The following REL variants were observed in gnomAD, a reference collection of about 807,000 sequenced individuals.
The protein encoded by REL is proto-oncogene c-Rel.
In REL, 15 loss-of-function variants were observed where a neutral mutation model predicts 45.9. That is an observed-to-expected ratio of 0.33 (90% confidence interval 0.22 to 0.50). The LOEUF is 0.50. REL is among the 20% of genes least tolerant of loss of function. The pLI is 0.98. For missense variants in REL, 601 were observed against 715.2 expected (o/e 0.84, Z 1.82); for synonymous variants, 239 against 242.1 (o/e 0.99, Z 0.12).
chr2:60,910,864 A>C (rs558784985), intron 4 of REL, among the ~76,000 whole-genome samples: 8 of 152,126 alleles, frequency 5.3e-5, no homozygotes, highest in African/African-American at 1.9e-4. Context: ...CCCTGGAGGC[A>C]GAGGCTGCAG....
intron 1 of REL, among the ~76,000 whole-genome samples, chr2:60,882,384 C>G (rs1672963133): frequency 2.0e-5 from 3 of 152,070 alleles, no homozygotes; most frequent in Non-Finnish European, 4.4e-5. Context: ...GTTGCTTCGA[C>G]CAAGTGTAGG....
intron 1 of REL, among the ~76,000 whole-genome samples, chr2:60,886,095 G>A (rs1221578186): frequency 6.6e-6 from 1 of 152,136 alleles, no homozygotes; most frequent in East Asian, 1.9e-4. Context: ...GTGCATTGTT[G>A]CTTCCACTTC....
chr2:60,904,157 C>CT (rs1433713124), intron 4 of REL, among the ~76,000 whole-genome samples: 2 of 150,690 alleles, frequency 1.3e-5, no homozygotes, highest in African/African-American at 4.9e-5. Flanking sequence ...AATCCCAGCA[C>CT]TTTGGGAGGC....
intron 4 of REL, among the ~76,000 whole-genome samples, chr2:60,915,794 A>C (rs1013134469): frequency 2.0e-5 from 3 of 152,238 alleles, no homozygotes; most frequent in Admixed American, 2.0e-4. Flanking sequence ...TACTAATTTA[A>C]CAAACTATTA....
intron 8 of REL, 183 bp from the exon 9 acceptor site, chr2:60,920,391 G>A (rs1427594880): frequency 1.2e-5 from 8 of 651,004 alleles, no homozygotes; most frequent in Non-Finnish European, 2.2e-5. Context: ...AGTAGAAACA[G>A]GGTTTCGCCA....
At chr2:60,892,035 C>T (rs577773142) in intron 2 of REL, among the ~76,000 whole-genome samples, 4 of 151,902 alleles carry the variant, frequency 2.6e-5, no homozygotes, top group Admixed American at 6.6e-5. Flanking sequence ...GAGTCTTCCC[C>T]ACTGCAGATA....
At chr2:60,894,014 C>T (rs138716058) in intron 2 of REL, among the ~76,000 whole-genome samples, 5 of 152,174 alleles carry the variant, frequency 3.3e-5, no homozygotes, top group Non-Finnish European at 5.9e-5. Flanking sequence ...CTTTCCAATA[C>T]GGCTTAAATA....
intron 1 of REL, 68 bp downstream of exon 1, chr2:60,881,918 G>T: frequency 8.6e-7 from 1 of 1,161,084 alleles, no homozygotes; most frequent in Non-Finnish European, 1.2e-6. Flanking sequence ...TCCTGCCGCA[G>T]TGAGTTTAGG....
chr2:60,913,592 A>T, intron 4 of REL, among the ~76,000 whole-genome samples: 1 of 151,644 alleles, frequency 6.6e-6, no homozygotes, highest in East Asian at 1.9e-4. Flanking sequence ...TCCTTGGCAA[A>T]CTCTCAACTC....
intron 1 of REL, among the ~76,000 whole-genome samples, chr2:60,883,410 C>T (rs142242545): frequency 1.3e-5 from 2 of 152,214 alleles, no homozygotes; most frequent in African/African-American, 4.8e-5. Flanking sequence ...TTCAACTTTC[C>T]CTTTTCCCAC....
chr2:60,926,052 T>A lies in REL; in HGVS notation c.*3517T>A, dbSNP rs1455878556. The A allele has an allele frequency of 8.7e-6, 2 of 229,792 alleles. No homozygotes were observed. The highest frequency in any genetic ancestry group is 6.2e-5 in the East Asian group (1 of 16,242). 14.2% of individuals were successfully genotyped at this position (229,792 alleles called of 1,614,324 possible). A position where few individuals can be genotyped will look rare whatever the true frequency, so the allele number is the denominator to read the frequency against. The stretch of plus-strand genomic sequence containing the variant: ...GTAACGTTTCTCCTCTGTCTCTACA[T>A]ATATTCATGCTTTCACCTGCTCTTT... On this transcript the variant is annotated 3_prime_UTR_variant, in exon 10 of 10. Coordinates refer to ENST00000394479, the MANE Select transcript of REL (RefSeq NM_001291746.2).
At position 60,892,664 on chromosome 2, in the gene REL, A is replaced by T. The variant is rs535271425; in HGVS notation, c.153+839A>T. Among the ~76,000 whole-genome samples the T allele has an allele frequency of 4.6e-5, 7 of 151,658 alleles. No individual in the cohort carries two copies. In the East Asian group the frequency reaches 1.4e-3, roughly 30 times the overall value. On this transcript the variant is annotated intron_variant, in intron 2 of 9. Coordinates refer to ENST00000394479, the MANE Select transcript of REL (RefSeq NM_001291746.2). ...AGGCTGGTCTCCAACTCTTGACATC[A>T]GGTGATCCACCCATCTCGGCCTCCC...
Position 60,922,332 on chromosome 2 carries a change from A to C in REL, c.1561A>C (p.Thr521Pro), listed in dbSNP as rs1674165533. Reference protein sequence around the residue: ...SMSAGANSNTTVFVSQSDAFE... With the variant: ...SMSAGANSNTPVFVSQSDAFE... The stretch of plus-strand genomic sequence containing the variant: ...GTCAGCAGGCGCCAATTCCAATACT[A>C]CTGTTTTTGTTTCACAATCAGATGC... The change falls in exon 10 of 10, where the codon ACT becomes CCT. Residue 521 changes from threonine to proline, a missense_variant. By Grantham distance (38) the Thr-to-Pro change is conservative. Transcript: ENST00000394479. 1 of 1,614,048 alleles carries C rather than the reference A, an allele frequency of 6.2e-7. No homozygotes were observed. Among genetic ancestry groups the C allele is most frequent in the African/African-American group, 1.3e-5 (1 of 75,004 alleles).
chr2:60,886,519 TATC>T (rs551164905), intron 1 of REL, among the ~76,000 whole-genome samples: 179 of 152,284 alleles, frequency 1.2e-3, no homozygotes, highest in African/African-American at 4.1e-3. Flanking sequence ...ACTTTAGTTT[TATC>T]ATGTGTAAGA....
rs1382974940 is a variant in REL, at chr2:60,922,279, A to C, written c.1508A>C (p.Gln503Pro). ...GTGTTAGACCCAAGAGACTTGAGAC[A>C]GCTCCATCAGATGTCCTCTTCCAGT... is the stretch of plus-strand genomic sequence containing the variant. ...NSVLDPRDLR[Q>P]LHQMSSSSMS... The change falls in exon 10 of 10, where the codon CAG (glutamine) becomes CCG (proline). Residue 503 changes from glutamine (Q) to proline (P), a missense_variant. Gln to Pro is a moderately conservative substitution (Grantham distance 76). This residue lies in a region of REL where 334 missense variants were observed against 333.1 expected (regional missense o/e 1.00). Coordinates refer to ENST00000394479, the MANE Select transcript of REL (RefSeq NM_001291746.2). 6.2e-7 allele frequency: 1 copy of C among 1,614,204 alleles called. No homozygotes were observed. Among genetic ancestry groups the C allele is most frequent in the Middle Eastern group, 1.7e-4 (1 of 6,060 alleles).
At chr2:60,918,359 T>C in intron 6 of REL, 35 bp from the exon 7 acceptor site, 1 of 1,575,210 alleles carries the variant, frequency 6.3e-7, no homozygotes, top group South Asian at 1.2e-5. Context: ...TACTTTGTTT[T>C]CCCATTTTTT....
intron 1 of REL, among the ~76,000 whole-genome samples, chr2:60,884,128 GT>G (rs1673014954): frequency 6.7e-6 from 1 of 148,964 alleles, no homozygotes; most frequent in Non-Finnish European, 1.5e-5. Context: ...AAATTGCTTA[GT>G]TTTTCATTGT....
At position 60,881,609 on chromosome 2, in the gene REL, T is replaced by C. The variant is rs906718118; in HGVS notation, c.-232T>C. On this transcript the variant is annotated 5_prime_UTR_variant, in exon 1 of 10. Transcript: ENST00000394479. Reference sequence around the variant, plus strand: ...CCCCGCTCCGCCCCCTGCCCCTGGCTCCCGTACGGTGGACGGCGACGCTGG... The same window carrying C: ...CCCCGCTCCGCCCCCTGCCCCTGGCCCCCGTACGGTGGACGGCGACGCTGG... 3 of 514,712 alleles carry C rather than the reference T, an allele frequency of 5.8e-6. No homozygotes were observed. The African/African-American group carries it at 6.1e-5, about 10-fold the overall frequency. The allele number at this position is 514,712 out of a possible 1,614,324, so 31.9% of individuals were successfully genotyped here.
intron 5 of REL, 145 bp from the exon 6 acceptor site, chr2:60,918,046 A>G (rs1166429072): frequency 1.7e-5 from 10 of 585,460 alleles, no homozygotes; most frequent in Admixed American, 3.3e-5. Flanking sequence ...GGACAGATAA[A>G]TAGATGATTA....
Sources: gnomAD v4.1 joint callset for allele counts (sites outside exome capture counted in the v4.1 genomes callset) on GRCh38, gnomAD v4.1.1 for gene constraint, gnomAD v4.1.1 regional missense constraint, MANE v1.5 for transcripts, NCBI Gene and HGNC (gene_info 2026-07-23, HGNC 2026-07-21) for gene names.